DLGAP2: variants seen among roughly 807,000 people sequenced by gnomAD.
DLGAP2 encodes the protein disks large-associated protein 2.
Under a neutral mutation model 100.3 loss-of-function variants are expected in DLGAP2, and 26 were observed. The ratio of observed to expected loss-of-function variants is 0.26; its 90% confidence interval spans 0.19 to 0.36. The LOEUF is 0.36. Among genes scored for constraint, DLGAP2 ranks in the 10% least tolerant of loss-of-function variants. The probability of loss-of-function intolerance (pLI) is 1.00; values close to 1 mark genes in which losing one functional copy is unlikely to be tolerated. For missense variants in DLGAP2, 1,858 were observed against 1,453.2 expected, an observed-to-expected ratio of 1.28 and a Z score of -4.53; for synonymous variants, 886 against 630.1, an observed-to-expected ratio of 1.41 and a Z score of -6.08.
chr8:959,995 C>T (rs1799685490), intron 2 of DLGAP2, among the ~76,000 whole-genome samples: 1 of 151,936 alleles, frequency 6.6e-6, no homozygotes, highest in Non-Finnish European at 1.5e-5. Context: ...TTCTACAGGG[C>T]AATAAACTGA....
chr8:793,993 G>T (rs1027049481), intron 1 of DLGAP2, among the ~76,000 whole-genome samples: 1 of 152,184 alleles, frequency 6.6e-6, no homozygotes, highest in Admixed American at 6.5e-5. Context: ...AATCCTTTTG[G>T]CCTGTGGGTG....
At chr8:1,113,285 G>A (rs1805017538) in intron 2 of DLGAP2, among the ~76,000 whole-genome samples, 1 of 152,118 alleles carries the variant, frequency 6.6e-6, no homozygotes, top group Non-Finnish European at 1.5e-5. Flanking sequence ...TCTATAAATT[G>A]CTTTGGGCAG....
In DLGAP2 at chr8:1,428,269, A is replaced by G. The variant is rs534896006; in HGVS notation, c.107-73097A>G. On this transcript the variant is annotated intron_variant, in intron 3 of 14. Transcript: ENST00000637795. ...TTTTTTGAAAAAATATAACACAATG[A>G]GCAATTTTATGATGTAAAATTTAAA... Among the ~76,000 whole-genome samples the G allele has an allele frequency of 7.9e-5, 12 of 152,274 alleles. No individual in the cohort carries two copies. The South Asian group carries it at 2.3e-3, about 29-fold the overall frequency.
At chr8:1,572,212 G>A (rs1354870308) in intron 6 of DLGAP2, among the ~76,000 whole-genome samples, 1 of 134,768 alleles carries the variant, frequency 7.4e-6, no homozygotes, top group Non-Finnish European at 1.6e-5. Flanking sequence ...TGAACTGTGG[G>A]GGCATCTGAT....
intron 5 of DLGAP2, among the ~76,000 whole-genome samples, chr8:1,556,435 T>G (rs1218996209): frequency 1.3e-5 from 2 of 152,188 alleles, no homozygotes; most frequent in African/African-American, 2.4e-5. Flanking sequence ...AGGGGTCTGC[T>G]CCTGTGGGTG....
chr8:1,503,457 T>C (rs1799793908), intron 4 of DLGAP2, among the ~76,000 whole-genome samples: 1 of 152,092 alleles, frequency 6.6e-6, no homozygotes, highest in Non-Finnish European at 1.5e-5. Context: ...CACACGCCCT[T>C]TCTGTTGAAG....
At chr8:1,261,091 A>G (rs1799338564) in intron 3 of DLGAP2, among the ~76,000 whole-genome samples, 1 of 152,060 alleles carries the variant, frequency 6.6e-6, no homozygotes, top group African/African-American at 2.4e-5. Context: ...AACGAGACAG[A>G]CCGGGAGGGC....
chr8:988,722 C>T (rs1323486845), intron 2 of DLGAP2, among the ~76,000 whole-genome samples: 1 of 152,138 alleles, frequency 6.6e-6, no homozygotes, highest in Non-Finnish European at 1.5e-5. Flanking sequence ...TCCACCTGCC[C>T]TCTGGTTCCT....
At chr8:1,215,127 A>C (rs757381525) in intron 2 of DLGAP2, among the ~76,000 whole-genome samples, 51 of 152,242 alleles carry the variant, frequency 3.3e-4, no homozygotes, top group Non-Finnish European at 5.7e-4. Flanking sequence ...ACTAACAAAA[A>C]TATGGTACAA....
At position 1,662,205 on chromosome 8, in the gene DLGAP2, T is replaced by G. The variant is rs574436935; in HGVS notation, c.1811-6124T>G. ...TCGAAGGCCTCTTTCCCAAAATAATTTTCATTGATTTGGTATGATTTAAGG... is the reference window on the plus strand; with the variant it reads ...TCGAAGGCCTCTTTCCCAAAATAATGTTCATTGATTTGGTATGATTTAAGG... On this transcript the variant is annotated intron_variant, in intron 8 of 14. Transcript: ENST00000637795. 7.2e-5 allele frequency among the ~76,000 whole-genome samples: 11 copies of G among 152,328 alleles called. No homozygotes were observed. In the East Asian group the frequency reaches 1.3e-3, roughly 19 times the overall value.
At chr8:1,565,091 GT>G (rs1490052663) in intron 5 of DLGAP2, among the ~76,000 whole-genome samples, 3 of 152,224 alleles carry the variant, frequency 2.0e-5, no homozygotes, top group African/African-American at 7.2e-5. Context: ...CGGGTGCTGA[GT>G]TCTGTAACAG....
intron 3 of DLGAP2, among the ~76,000 whole-genome samples, chr8:1,319,857 G>C (rs1181455936): frequency 6.6e-6 from 1 of 152,208 alleles, no homozygotes; most frequent in Non-Finnish European, 1.5e-5. Context: ...GAGCACTGCA[G>C]TCAGCATGGA....
intron 3 of DLGAP2, among the ~76,000 whole-genome samples, chr8:1,497,512 T>C (rs772946687): frequency 2.0e-5 from 3 of 152,198 alleles, no homozygotes; most frequent in Non-Finnish European, 4.4e-5. Flanking sequence ...TTCTCCTCCC[T>C]TATACGAGGA....
chr8:896,801 A>T (rs1798151209), intron 1 of DLGAP2, among the ~76,000 whole-genome samples: 1 of 152,242 alleles, frequency 6.6e-6, no homozygotes, highest in South Asian at 2.1e-4. Flanking sequence ...CTGTTCATTT[A>T]TGGGCCCCCC....
intron 2 of DLGAP2, among the ~76,000 whole-genome samples, chr8:935,877 A>C (rs1330887856): frequency 6.6e-6 from 1 of 152,196 alleles, no homozygotes; most frequent in Non-Finnish European, 1.5e-5. Flanking sequence ...GGTTATTATT[A>C]AAATGTCTAT....
intron 3 of DLGAP2, among the ~76,000 whole-genome samples, chr8:1,417,727 A>ACGGGGAGGCCACACTCCTGC: frequency 1.8e-5 from 2 of 111,502 alleles, no homozygotes; most frequent in Admixed American, 9.1e-5. Flanking sequence ...GAGGCTCCAG[A>ACGGGGAGGCCACACTCCTGC]CACAGAAGCC....
intron 3 of DLGAP2, among the ~76,000 whole-genome samples, chr8:1,422,667 C>G (rs1485072984): frequency 6.6e-6 from 1 of 151,890 alleles, no homozygotes; most frequent in Non-Finnish European, 1.5e-5. Context: ...GGTGTGTGTT[C>G]CCTGCCCACC....
chr8:783,248 A>G (rs995919020), intron 1 of DLGAP2, among the ~76,000 whole-genome samples: 1 of 152,240 alleles, frequency 6.6e-6, no homozygotes, highest in Non-Finnish European at 1.5e-5. Flanking sequence ...TTGCTCAGAA[A>G]TACTACAGAG....
chr8:1,590,576 G>C (rs1424662249), intron 6 of DLGAP2, among the ~76,000 whole-genome samples: 1 of 152,148 alleles, frequency 6.6e-6, no homozygotes, highest in Non-Finnish European at 1.5e-5. Context: ...AGCGATTGTT[G>C]GTGATTCTTC....
Sources: allele counts gnomAD v4.1 joint callset (sites outside exome capture counted in the v4.1 genomes callset), GRCh38; gene constraint gnomAD v4.1.1; transcripts MANE v1.5; gene names NCBI Gene and HGNC (gene_info 2026-07-23, HGNC 2026-07-21).